Variants in PEX5L observed in about 807,000 individuals in gnomAD.
PEX5L encodes the protein peroxisomal biogenesis factor 5 like.
Under a neutral mutation model 84.0 loss-of-function variants are expected in PEX5L, and 30 were observed. The ratio of observed to expected loss-of-function variants is 0.36; its 90% CI spans 0.27 to 0.48. The LOEUF is 0.48. PEX5L is among the 20% of genes least tolerant of loss of function. The pLI is 0.99. For missense variants in PEX5L, 533 were observed against 754.6 expected, an observed-to-expected ratio of 0.71 and a Z score of 3.44; for synonymous variants, 270 against 283.1, an observed-to-expected ratio of 0.95 and a Z score of 0.46.
intron 2 of PEX5L, among the ~76,000 whole-genome samples, chr3:179,958,178 T>C (rs1359510396): frequency 6.6e-6 from 1 of 152,314 alleles, no homozygotes; most frequent in Middle Eastern, 3.4e-3. Context: ...CCTTTAAAAA[T>C]AGGAAGGCTT....
intron 1 of PEX5L, among the ~76,000 whole-genome samples, chr3:180,011,510 A>C (rs1789482345): frequency 6.6e-6 from 1 of 152,226 alleles, no homozygotes; most frequent in South Asian, 2.1e-4. Context: ...AGAAGTTGCC[A>C]AGCATTTTAC....
At chr3:179,810,075 G>A (rs556304241) in intron 11 of PEX5L, among the ~76,000 whole-genome samples, 1 of 126,594 alleles carries the variant, frequency 7.9e-6, no homozygotes, top group South Asian at 2.7e-4. Context: ...GTGCAGTGGT[G>A]TGATCTTGGC....
intron 1 of PEX5L, among the ~76,000 whole-genome samples, chr3:179,986,547 C>T (rs13059835): frequency 0.4 from 59,768 of 151,272 alleles, 12,464 homozygotes; most frequent in African/African-American, 0.54. Context: ...GGACTACAGG[C>T]GCCCGCCACC....
chr3:179,984,152 T>TA, intron 1 of PEX5L, among the ~76,000 whole-genome samples: 1 of 152,134 alleles, frequency 6.6e-6, no homozygotes, highest in Non-Finnish European at 1.5e-5. Flanking sequence ...CACAGTTATT[T>TA]AAAAAGGCTT....
At chr3:180,033,690 T>C (rs905084758) in intron 1 of PEX5L, among the ~76,000 whole-genome samples, 1 of 152,154 alleles carries the variant, frequency 6.6e-6, no homozygotes, top group Non-Finnish European at 1.5e-5. Flanking sequence ...TATTCAATCA[T>C]CATCAGTGCC....
chr3:179,880,192 T>G (rs1383632160), intron 4 of PEX5L, 69 bp from the exon 5 acceptor site: 2 of 942,238 alleles, frequency 2.1e-6, no homozygotes, highest in African/African-American at 1.7e-5. Context: ...TAGGTTTCAG[T>G]TGGGTACAGA....
chr3:179,911,083 T>C (rs1428397862), intron 2 of PEX5L, among the ~76,000 whole-genome samples: 2 of 152,148 alleles, frequency 1.3e-5, no homozygotes, highest in African/African-American at 4.8e-5. Context: ...AAAATTCCAG[T>C]GGTTTTGAAG....
intron 7 of PEX5L, among the ~76,000 whole-genome samples, chr3:179,869,827 C>T (rs1749659256): frequency 6.6e-6 from 1 of 152,148 alleles, no homozygotes; most frequent in African/African-American, 2.4e-5. Flanking sequence ...GAATGAAATA[C>T]GGATTATAAC....
intron 1 of PEX5L, among the ~76,000 whole-genome samples, chr3:179,988,294 G>A (rs1218813287): frequency 2.6e-5 from 4 of 151,864 alleles, no homozygotes; most frequent in African/African-American, 4.8e-5. Context: ...CCAGCTACTC[G>A]GGAGGCTGAG....
At chr3:179,803,433 G>A (rs187829692) in intron 14 of PEX5L, among the ~76,000 whole-genome samples, 1 of 152,198 alleles carries the variant, frequency 6.6e-6, no homozygotes, top group East Asian at 1.9e-4. Context: ...AAGTGTAGAG[G>A]GGTCCTGAGA....
chr3:179,869,944 T>C (rs1749700906), intron 7 of PEX5L, among the ~76,000 whole-genome samples: 1 of 152,202 alleles, frequency 6.6e-6, no homozygotes, highest in Non-Finnish European at 1.5e-5. Context: ...TCTCTGTACA[T>C]AGTGAGCTAT....
chr3:179,835,624 C>G (rs1158898667), intron 8 of PEX5L, among the ~76,000 whole-genome samples: 1 of 152,170 alleles, frequency 6.6e-6, no homozygotes, highest in Non-Finnish European at 1.5e-5. Flanking sequence ...ATAGTTGCAT[C>G]TAAAGTTATG....
chr3:179,964,914 A>G (rs1032608942), intron 2 of PEX5L, among the ~76,000 whole-genome samples: 2 of 152,216 alleles, frequency 1.3e-5, no homozygotes, highest in South Asian at 2.1e-4. Context: ...TATGAAGTAG[A>G]TATTTTCCTC....
In PEX5L at chr3:179,866,819, G is replaced by A. The variant is rs114607302; in HGVS notation, c.726+7508C>T. 6.2e-3 allele frequency among the ~76,000 whole-genome samples: 940 copies of A among 152,038 alleles called. 8 individuals carry two copies. Among genetic ancestry groups the A allele is most frequent in the African/African-American group, 0.022 (895 of 41,508 alleles). The stretch of plus-strand genomic sequence containing the variant: ...GTGGGCGGATTGCCCGAGCTCGGGA[G>A]TTTGAAACCAGCCTGGGCAACATCG... On this transcript the variant is annotated intron_variant, in intron 7 of 14. Coordinates refer to ENST00000467460, the MANE Select transcript of PEX5L (RefSeq NM_016559.3).
chr3:179,964,655 T>G (rs913367219), intron 2 of PEX5L, among the ~76,000 whole-genome samples: 1 of 152,166 alleles, frequency 6.6e-6, no homozygotes, highest in African/African-American at 2.4e-5. Context: ...AATAGACACT[T>G]TTTAAAAGAA....
chr3:179,894,000 G>A (rs1405446695), intron 3 of PEX5L, among the ~76,000 whole-genome samples: 2 of 152,002 alleles, frequency 1.3e-5, no homozygotes, highest in Non-Finnish European at 2.9e-5. Context: ...CTGGCCTCAA[G>A]TGATACTCCC....
intron 1 of PEX5L, chr3:179,973,974 G>T: frequency 1.0e-6 from 1 of 985,426 alleles, no homozygotes; most frequent in Non-Finnish European, 1.2e-6. Flanking sequence ...ACCCCGGGGG[G>T]ATTAATCCTT....
chr3:179,860,092 C>T (rs1481035149), intron 7 of PEX5L, among the ~76,000 whole-genome samples: 1 of 151,588 alleles, frequency 6.6e-6, no homozygotes, highest in East Asian at 1.9e-4. Context: ...TTTCACTCAA[C>T]AATTTACCTT....
At chr3:179,879,215 A>G (rs548533540) in intron 5 of PEX5L, among the ~76,000 whole-genome samples, 8 of 152,306 alleles carry the variant, frequency 5.3e-5, no homozygotes, top group Non-Finnish European at 1.0e-4. Flanking sequence ...TCTCTTGAGA[A>G]AGGAGAGCTT....
Sources: allele counts gnomAD v4.1 joint callset (sites outside exome capture counted in the v4.1 genomes callset), GRCh38; gene constraint gnomAD v4.1.1; transcripts MANE v1.5; gene names NCBI Gene and HGNC (gene_info 2026-07-23, HGNC 2026-07-21).